The following GPHN variants were observed in gnomAD, a reference collection of about 807,000 sequenced individuals.
The protein encoded by GPHN is gephyrin.
In GPHN, 17 loss-of-function variants were observed where a neutral mutation model predicts 95.5. The observed-to-expected ratio is 0.18, with a 90% confidence interval of 0.12 to 0.27. GPHN has a LOEUF of 0.27. Among genes scored for constraint, GPHN ranks in the 10% least tolerant of loss-of-function variants. GPHN has a pLI of 1.00. For missense variants in GPHN, 660 were observed against 978.1 expected (o/e 0.67, Z 4.34); for synonymous variants, 320 against 322.5 (o/e 0.99, Z 0.08).
chr14:67,132,281 A>G (rs1163351184), intron 17 of GPHN, among the ~76,000 whole-genome samples: 1 of 152,080 alleles, frequency 6.6e-6, no homozygotes, highest in Non-Finnish European at 1.5e-5. Flanking sequence ...ACACATCCTA[A>G]TTTTTCATTG....
chr14:67,306,983 T>C, the GPHN span, among the ~76,000 whole-genome samples: 193 of 152,332 alleles, frequency 1.3e-3, 1 homozygote, highest in African/African-American at 4.5e-3. Context: ...AAGACAGATA[T>C]ACAAAATAAG....
chr14:67,396,457 G>A, the GPHN span, among the ~76,000 whole-genome samples: 3 of 151,636 alleles, frequency 2.0e-5, no homozygotes, highest in Admixed American at 2.0e-4. Flanking sequence ...CTCTAAGAGA[G>A]TTTTCATCAG....
chr14:66,773,830 C>T (rs1418235110), intron 2 of GPHN, among the ~76,000 whole-genome samples: 1 of 152,066 alleles, frequency 6.6e-6, no homozygotes, highest in Non-Finnish European at 1.5e-5. Context: ...CCTTGGATTC[C>T]AGAAGTGCTG....
chr14:67,212,715 G>A, the GPHN span, among the ~76,000 whole-genome samples: 2 of 138,450 alleles, frequency 1.4e-5, no homozygotes, highest in African/African-American at 5.3e-5. Flanking sequence ...ATTCAACTGA[G>A]GATTAACTAC....
intron 1 of GPHN, among the ~76,000 whole-genome samples, chr14:66,520,430 C>A (rs7140509): frequency 0.34 from 51,951 of 151,920 alleles, 13,423 homozygotes; most frequent in African/African-American, 0.7. Context: ...AGTTACTGAG[C>A]TCAAAATTAG....
chr14:66,778,275 A>G (rs187212282), intron 3 of GPHN, among the ~76,000 whole-genome samples: 1 of 152,332 alleles, frequency 6.6e-6, no homozygotes, highest in Admixed American at 6.5e-5. Context: ...AAGGGACATG[A>G]AGGACCTCTT....
chr14:66,544,521 G>GT (rs1164414568), intron 1 of GPHN, among the ~76,000 whole-genome samples: 9 of 151,662 alleles, frequency 5.9e-5, no homozygotes, highest in African/African-American at 2.2e-4. Flanking sequence ...CTTGCACATT[G>GT]TAAGTGCCCA....
intron 2 of GPHN, chr14:66,760,638 G>T: frequency 2.5e-6 from 1 of 407,236 alleles, no homozygotes; most frequent in Non-Finnish European, 4.6e-6. Flanking sequence ...AAATCTAAAT[G>T]TTATAAAAAC....
the GPHN span, among the ~76,000 whole-genome samples, chr14:67,679,913 A>G: frequency 6.6e-6 from 1 of 152,240 alleles, no homozygotes; most frequent in Non-Finnish European, 1.5e-5. Context: ...TTGCTTCCTC[A>G]GTATCTAAGC....
chr14:67,173,028 C>T (rs752107524), intron 21 of GPHN, among the ~76,000 whole-genome samples: 9 of 152,324 alleles, frequency 5.9e-5, no homozygotes, highest in East Asian at 1.9e-4. Flanking sequence ...GTGCCCTGCC[C>T]GCCAGGGGCA....
At chr14:67,648,338 A>G in the GPHN span, 1 of 791,044 alleles carries the variant, frequency 1.3e-6, no homozygotes, top group Non-Finnish European at 1.9e-6. Context: ...ATGCTAATAA[A>G]AAGGATATAG....
At chr14:67,273,974 A>AT in the GPHN span, among the ~76,000 whole-genome samples, 63 of 151,716 alleles carry the variant, frequency 4.2e-4, no homozygotes, top group Non-Finnish European at 8.0e-4. Context: ...GGGTTGTTTG[A>AT]TTTTTTCTTG....
chr14:67,194,960 G>T, the GPHN span, among the ~76,000 whole-genome samples: 7,153 of 152,166 alleles, frequency 0.047, 324 homozygotes, highest in African/African-American at 0.11. Flanking sequence ...GCCCCTCTCA[G>T]CCTCAAAGTG....
chr14:66,804,131 A>G (rs550596164), intron 3 of GPHN, among the ~76,000 whole-genome samples: 5 of 152,316 alleles, frequency 3.3e-5, no homozygotes, highest in East Asian at 3.9e-4. Context: ...ATCATAGAAC[A>G]TTCCTCCTTC....
the GPHN span, among the ~76,000 whole-genome samples, chr14:67,409,247 A>G: frequency 4.8e-4 from 72 of 151,090 alleles, no homozygotes; most frequent in Non-Finnish European, 8.3e-4. Flanking sequence ...TCTCTAAACA[A>G]AATAAATAAG....
At chr14:66,550,527 A>T (rs576754555) in intron 1 of GPHN, among the ~76,000 whole-genome samples, 10 of 152,358 alleles carry the variant, frequency 6.6e-5, no homozygotes, top group Non-Finnish European at 1.2e-4. Flanking sequence ...GGTTTTAATT[A>T]TTACATGAAC....
At chr14:66,954,003 C>T (rs140832116) in intron 8 of GPHN, among the ~76,000 whole-genome samples, 134 of 145,332 alleles carry the variant, frequency 9.2e-4, no homozygotes, top group African/African-American at 2.9e-3. Flanking sequence ...CGATTGCACG[C>T]GAGCCTGGGC....
At chr14:67,327,367 T>A in the GPHN span, among the ~76,000 whole-genome samples, 2 of 151,880 alleles carry the variant, frequency 1.3e-5, no homozygotes, top group African/African-American at 4.8e-5. Flanking sequence ...TAAATTGATA[T>A]AAAAGGCGGG....
chr14:66,740,815 G>A (rs893840277), intron 2 of GPHN, among the ~76,000 whole-genome samples: 4 of 152,176 alleles, frequency 2.6e-5, no homozygotes, highest in African/African-American at 4.8e-5. Context: ...TTTAAGCTGA[G>A]AGTCTTCATT....
Sources: allele counts gnomAD v4.1 joint callset (sites outside exome capture counted in the v4.1 genomes callset), GRCh38; gene constraint gnomAD v4.1.1; transcripts MANE v1.5; gene names NCBI Gene and HGNC (gene_info 2026-07-23, HGNC 2026-07-21).